PHF24: variants seen among roughly 807,000 people sequenced by gnomAD.
PHF24 encodes Galpha inhibitory interacting protein.
In PHF24, 25 loss-of-function variants were observed where a neutral mutation model predicts 42.6. That is an observed-to-expected ratio of 0.59 (90% CI 0.43 to 0.82). The LOEUF (loss-of-function observed/expected upper bound fraction) is 0.82, where lower values mean the gene tolerates loss of function less well. Among genes scored for constraint, PHF24 ranks in the 40% least tolerant of loss-of-function variants. The pLI, the probability that PHF24 is intolerant of heterozygous loss-of-function variation, is 0.00. For missense variants in PHF24, 470 were observed against 538.1 expected (o/e 0.87, Z 1.25); for synonymous variants, 185 against 204.8 (o/e 0.90, Z 0.83).
At chr9:34,931,474 T>C in the PHF24 span, among the ~76,000 whole-genome samples, 1 of 151,352 alleles carries the variant, frequency 6.6e-6, no homozygotes, top group African/African-American at 2.4e-5. Flanking sequence ...TTAGGTACAG[T>C]ACACTGCTCA....
the PHF24 span, among the ~76,000 whole-genome samples, chr9:34,764,789 G>A: frequency 0.016 from 2,393 of 152,162 alleles, 60 homozygotes; most frequent in African/African-American, 0.05. Context: ...TAATTGTGAT[G>A]TTAGGGTGTC....
At chr9:34,856,779 AG>A in the PHF24 span, among the ~76,000 whole-genome samples, 1 of 152,264 alleles carries the variant, frequency 6.6e-6, no homozygotes, top group African/African-American at 2.4e-5. Flanking sequence ...ACCTGCTTAA[AG>A]AAGCAGTCTG....
chr9:34,876,670 AAG>A, the PHF24 span, among the ~76,000 whole-genome samples: 1 of 150,722 alleles, frequency 6.6e-6, no homozygotes, highest in Non-Finnish European at 1.5e-5. Flanking sequence ...TATTAAAAAA[AAG>A]AAAGAAAGAA....
chr9:34,850,475 GTATTGGTTATTCTAGTTAT>G, the PHF24 span, among the ~76,000 whole-genome samples: 1 of 152,104 alleles, frequency 6.6e-6, no homozygotes, highest in Non-Finnish European at 1.5e-5. Flanking sequence ...GCACTTCTCT[GTATTGGTTATTCTAGTTAT>G]ACATTTGTCT....
At chr9:34,891,851 G>A in the PHF24 span, among the ~76,000 whole-genome samples, 1 of 152,202 alleles carries the variant, frequency 6.6e-6, no homozygotes, top group African/African-American at 2.4e-5. Context: ...TGAAGCTGGA[G>A]CTGCCTCTAC....
Position 34,958,335 on chromosome 9 carries a change from C to G in PHF24, c.-71C>G, listed in dbSNP as rs1314583907. 1.3e-5 allele frequency: 2 copies of G among 151,642 alleles called. No individual in the cohort carries two copies. The highest frequency in any genetic ancestry group is 3.9e-4 in the East Asian group (2 of 5,156). 9.4% of individuals were successfully genotyped at this position (151,642 alleles called of 1,614,324 possible). A position where few individuals can be genotyped will look rare whatever the true frequency, so the allele number is the denominator to read the frequency against. On this transcript the variant is annotated 5_prime_UTR_variant, in exon 1 of 8. Coordinates refer to ENST00000242315, the Ensembl canonical transcript of PHF24. This position sits in a 1 kb window ranked among gnomAD's most constrained non-coding sequence, Gnocchi z 4.5. ...ACGCCGGCTCTCGGGCTGCCGTGGG[C>G]TGCGCGGGGCCCGCGGTGTGTAGAG...
At chr9:34,690,695 G>A in the PHF24 span, among the ~76,000 whole-genome samples, 10 of 152,116 alleles carry the variant, frequency 6.6e-5, no homozygotes, top group African/African-American at 2.4e-4. Context: ...TGGGAGGGGC[G>A]TGGGGTAGGG....
At chr9:34,790,885 G>A in the PHF24 span, among the ~76,000 whole-genome samples, 1 of 152,212 alleles carries the variant, frequency 6.6e-6, no homozygotes, top group Non-Finnish European at 1.5e-5. Flanking sequence ...AAGGTGCCAA[G>A]AGGGGCAGGA....
chr9:34,713,841 T>C, the PHF24 span, among the ~76,000 whole-genome samples: 1 of 152,112 alleles, frequency 6.6e-6, no homozygotes, highest in African/African-American at 2.4e-5. Flanking sequence ...AGCAAGCTCC[T>C]TACATCTTGT....
intron 6 of PHF24, 95 bp from the exon 7 acceptor site, chr9:34,977,451 G>C (rs1587481987): frequency 2.2e-6 from 3 of 1,345,036 alleles, no homozygotes. Context: ...GAAGAGCCTG[G>C]ATGAGCATGT....
At chr9:34,786,707 C>T in the PHF24 span, among the ~76,000 whole-genome samples, 4 of 152,144 alleles carry the variant, frequency 2.6e-5, no homozygotes, top group Non-Finnish European at 5.9e-5. Context: ...GAGGGCTTGA[C>T]GCAAGCCTGA....
chr9:34,677,818 G>A, the PHF24 span, among the ~76,000 whole-genome samples: 1 of 152,110 alleles, frequency 6.6e-6, no homozygotes, highest in Non-Finnish European at 1.5e-5. Flanking sequence ...TCCAGCCTCT[G>A]TGTCCTACCT....
the PHF24 span, chr9:34,709,878 C>G: frequency 3.1e-6 from 5 of 1,614,244 alleles, no homozygotes; most frequent in Admixed American, 8.3e-5. Flanking sequence ...GGCAACAGTC[C>G]TGAGCCCCTC....
the PHF24 span, among the ~76,000 whole-genome samples, chr9:34,716,652 C>T: frequency 2.6e-5 from 4 of 152,010 alleles, no homozygotes; most frequent in Admixed American, 2.6e-4. Context: ...TGCAGTGGTG[C>T]AATCTCAGTT....
the PHF24 span, among the ~76,000 whole-genome samples, chr9:34,873,024 G>A: frequency 4.7e-5 from 7 of 149,850 alleles, no homozygotes; most frequent in Non-Finnish European, 1.0e-4. Flanking sequence ...GTCTGTTCAT[G>A]TCCTTTGCCC....
At chr9:34,848,176 T>C in the PHF24 span, among the ~76,000 whole-genome samples, 4 of 151,640 alleles carry the variant, frequency 2.6e-5, no homozygotes, top group Non-Finnish European at 5.9e-5. Context: ...GAAGGAATGG[T>C]ACCAGTTCCT....
At chr9:34,726,162 A>G in the PHF24 span, 12 of 1,259,356 alleles carry the variant, frequency 9.5e-6, 1 homozygote, top group South Asian at 5.6e-5. Context: ...CATGAACACC[A>G]GGTCTGGAGG....
chr9:34,806,043 T>C, the PHF24 span, among the ~76,000 whole-genome samples: 1 of 152,340 alleles, frequency 6.6e-6, no homozygotes, highest in East Asian at 1.9e-4. Context: ...TATGGGCTTA[T>C]TTTTGTACTC....
At chr9:34,762,935 C>A in the PHF24 span, among the ~76,000 whole-genome samples, 2 of 152,172 alleles carry the variant, frequency 1.3e-5, no homozygotes, top group Non-Finnish European at 2.9e-5. Context: ...GTTTTCCTAG[C>A]ACCATTTATT....
Sources: allele counts gnomAD v4.1 joint callset (sites outside exome capture counted in the v4.1 genomes callset), GRCh38; gene constraint gnomAD v4.1.1; non-coding constraint Gnocchi (gnomAD v3.1); transcripts MANE v1.5; gene names NCBI Gene and HGNC (gene_info 2026-07-23, HGNC 2026-07-21).